The following LRBA variants were observed in gnomAD, a reference collection of about 807,000 sequenced individuals.
The protein encoded by LRBA is lipopolysaccharide-responsive and beige-like anchor protein.
Under a neutral mutation model 330.0 loss-of-function variants are expected in LRBA, and 176 were observed. The observed-to-expected ratio is 0.53, with a 90% CI of 0.47 to 0.60. The LOEUF is 0.60. Among genes scored for constraint, LRBA ranks in the 20% least tolerant of loss-of-function variants. LRBA has a pLI of 0.00. For synonymous variants in LRBA, 1,230 were observed against 1,193.0 expected (o/e 1.03, Z -0.64); for missense variants, 3,259 against 3,444.8 (o/e 0.95, Z 1.35).
At chr4:150,348,295 A>AG (rs1170447383) in intron 48 of LRBA, among the ~76,000 whole-genome samples, 1 of 152,230 alleles carries the variant, frequency 6.6e-6, no homozygotes, top group Admixed American at 6.5e-5. Flanking sequence ...ATATAGGCCA[A>AG]GTGACATTTT....
chr4:150,681,334 T>C (rs1180086526), intron 37 of LRBA, among the ~76,000 whole-genome samples: 2 of 152,206 alleles, frequency 1.3e-5, no homozygotes, highest in Non-Finnish European at 2.9e-5. Flanking sequence ...AGAGAATAGT[T>C]AACCACTGTC....
chr4:150,730,259 T>C (rs1222661767), intron 36 of LRBA, among the ~76,000 whole-genome samples: 2 of 152,122 alleles, frequency 1.3e-5, no homozygotes, highest in Middle Eastern at 3.2e-3. Flanking sequence ...TGACAAGAGA[T>C]TAATAAGCAG....
At chr4:150,495,153 G>C (rs969159152) in intron 40 of LRBA, among the ~76,000 whole-genome samples, 3 of 152,148 alleles carry the variant, frequency 2.0e-5, no homozygotes, top group African/African-American at 7.2e-5. Context: ...AACGCTTCCT[G>C]ATCCCATTTT....
At chr4:150,985,700 G>T (rs1221054667) in intron 2 of LRBA, among the ~76,000 whole-genome samples, 1 of 151,950 alleles carries the variant, frequency 6.6e-6, no homozygotes, top group Non-Finnish European at 1.5e-5. Context: ...GGATTTCATC[G>T]TGTTAGCCAG....
At chr4:150,406,483 G>A (rs1746206931) in intron 47 of LRBA, among the ~76,000 whole-genome samples, 1 of 152,110 alleles carries the variant, frequency 6.6e-6, no homozygotes, top group Non-Finnish European at 1.5e-5. Context: ...CAAAAAAATG[G>A]ATTGAAAATA....
At chr4:150,866,134 T>C (rs1234517648) in intron 22 of LRBA, among the ~76,000 whole-genome samples, 3 of 152,220 alleles carry the variant, frequency 2.0e-5, no homozygotes, top group Non-Finnish European at 4.4e-5. Context: ...TTATTCCTTC[T>C]AGTCAATTTT....
chr4:151,001,556 G>A (rs950836763), intron 2 of LRBA, among the ~76,000 whole-genome samples: 7 of 152,094 alleles, frequency 4.6e-5, no homozygotes, highest in Non-Finnish European at 5.9e-5. Context: ...CCCACCTGCC[G>A]CTACCACCAC....
chr4:150,566,153 C>G (rs1003451438), intron 40 of LRBA, among the ~76,000 whole-genome samples: 18 of 151,928 alleles, frequency 1.2e-4, no homozygotes, highest in African/African-American at 4.1e-4. Flanking sequence ...TGCTTCAACC[C>G]TGGAGTTCAA....
intron 31 of LRBA, among the ~76,000 whole-genome samples, chr4:150,809,083 A>T (rs1253493813): frequency 6.6e-6 from 1 of 152,206 alleles, no homozygotes; most frequent in East Asian, 1.9e-4. Flanking sequence ...AAGTTATTGG[A>T]GCCAGTGTGA....
At chr4:150,694,337 A>G (rs1305746654) in intron 36 of LRBA, among the ~76,000 whole-genome samples, 1 of 152,104 alleles carries the variant, frequency 6.6e-6, no homozygotes, top group South Asian at 2.1e-4. Flanking sequence ...ACTATAAATT[A>G]CTTGTCTCAC....
chr4:150,553,498 C>A (rs779100079), intron 40 of LRBA, among the ~76,000 whole-genome samples: 21 of 152,010 alleles, frequency 1.4e-4, no homozygotes, highest in Non-Finnish European at 3.1e-4. Context: ...CCTCACCTGG[C>A]ACTCCTCTCC....
At chr4:150,885,039 A>G (rs1429061601) in intron 17 of LRBA, among the ~76,000 whole-genome samples, 1 of 152,120 alleles carries the variant, frequency 6.6e-6, no homozygotes, top group Non-Finnish European at 1.5e-5. Flanking sequence ...TAGGCATTCA[A>G]CAGGAGACTC....
intron 38 of LRBA, among the ~76,000 whole-genome samples, chr4:150,592,364 G>C (rs1772990294): frequency 6.6e-6 from 1 of 151,382 alleles, no homozygotes; most frequent in African/African-American, 2.4e-5. Context: ...TGATGTTAAA[G>C]GTAAAAGGTT....
intron 13 of LRBA, 117 bp from the exon 14 acceptor site, chr4:150,900,334 C>G: frequency 1.5e-6 from 1 of 645,826 alleles, no homozygotes; most frequent in Non-Finnish European, 2.6e-6. Flanking sequence ...GATGCTGAGC[C>G]TGATAATAAT....
intron 28 of LRBA, among the ~76,000 whole-genome samples, chr4:150,838,212 C>T (rs1183074583): frequency 1.3e-5 from 2 of 152,208 alleles, no homozygotes; most frequent in Non-Finnish European, 2.9e-5. Flanking sequence ...TTCTCTCTGG[C>T]TGCCCTTAAC....
intron 47 of LRBA, among the ~76,000 whole-genome samples, chr4:150,366,109 T>C (rs2151853779): frequency 6.6e-6 from 1 of 152,296 alleles, no homozygotes; most frequent in African/African-American, 2.4e-5. Context: ...AATGTACCAT[T>C]TGACAAATGC....
In LRBA at chr4:150,569,012, G is replaced by C. The variant is rs188508717; in HGVS notation, c.6330+19036C>G. 3.0e-3 allele frequency among the ~76,000 whole-genome samples: 456 copies of C among 152,276 alleles called. 4 individuals carry two copies. The highest frequency in any genetic ancestry group is 0.011 in the African/African-American group (444 of 41,570). On this transcript the variant is annotated intron_variant, in intron 40 of 56. Coordinates refer to ENST00000651943, the MANE Select transcript of LRBA (RefSeq NM_001364905.1). ...AGAGACCCAACCTTCCCATGCCTCA[G>C]TTTCTTCATCAGCAAAATGGTGACA...
At chr4:150,802,813 A>C (rs1741860589) in intron 33 of LRBA, among the ~76,000 whole-genome samples, 1 of 152,014 alleles carries the variant, frequency 6.6e-6, no homozygotes, top group African/African-American at 2.4e-5. Context: ...GCTCGGGGTC[A>C]GGAGTTTGAG....
intron 47 of LRBA, among the ~76,000 whole-genome samples, chr4:150,373,881 T>A (rs1275482729): frequency 6.6e-6 from 1 of 152,216 alleles, no homozygotes; most frequent in Non-Finnish European, 1.5e-5. Context: ...AGTGCCCTCA[T>A]ACCATCTAAA....
Sources: allele counts gnomAD v4.1 joint callset (sites outside exome capture counted in the v4.1 genomes callset), GRCh38; gene constraint gnomAD v4.1.1; transcripts MANE v1.5; gene names NCBI Gene and HGNC (gene_info 2026-07-23, HGNC 2026-07-21).